REPS1: variants seen among roughly 807,000 people sequenced by gnomAD.
REPS1 encodes RALBP1 associated Eps domain containing 1, also known as ralBP1-associated Eps domain-containing protein 1.
In REPS1, 39 loss-of-function variants were observed where a neutral mutation model predicts 100.9. That is an observed-to-expected ratio of 0.39 (90% CI 0.30 to 0.50). The LOEUF (loss-of-function observed/expected upper bound fraction) is 0.50. REPS1 is among the 20% of genes least tolerant of loss of function. The pLI is 0.86. For synonymous variants in REPS1, 324 were observed against 340.3 expected (o/e 0.95, Z 0.53); for missense variants, 821 against 968.5 (o/e 0.85, Z 2.02).
Position 138,915,834 on chromosome 6 carries a change from A to C in REPS1, c.1720+24T>G, listed in dbSNP as rs768563537. The C allele has an allele frequency of 1.6e-5, 23 of 1,442,800 alleles. No homozygotes were observed. In the Admixed American group the frequency reaches 4.0e-4, roughly 25 times the overall value. The allele number at this position is 1,442,800 out of a possible 1,614,324, so 89.4% of individuals were successfully genotyped here. ...TAACTTTAAAATTAAATGATAATGT[A>C]TATTATGGTTCTCTAGCCCCTACCT... is the stretch of plus-strand genomic sequence containing the variant. On this transcript the variant is annotated intron_variant, in intron 14 of 19. Coordinates refer to ENST00000450536, the MANE Select transcript of REPS1 (RefSeq NM_001286611.2).
intron 1 of REPS1, among the ~76,000 whole-genome samples, chr6:138,955,399 G>A (rs2128487247): frequency 6.8e-6 from 1 of 146,506 alleles, no homozygotes; most frequent in South Asian, 2.2e-4. Flanking sequence ...AGTGAGCTAG[G>A]AATTGTGCAG....
At chr6:138,919,072 A>T (rs1190088344) in intron 12 of REPS1, among the ~76,000 whole-genome samples, 1 of 152,230 alleles carries the variant, frequency 6.6e-6, no homozygotes, top group Non-Finnish European at 1.5e-5. Flanking sequence ...TCAAGTTTAA[A>T]GCATATGAAA....
At chr6:138,934,097 G>C in intron 8 of REPS1, 1 of 219,370 alleles carries the variant, frequency 4.6e-6, no homozygotes, top group Non-Finnish European at 9.7e-6. Flanking sequence ...ATTCAGTCTA[G>C]AAATAAACTG....
chr6:138,977,708 A>G (rs2128508377), intron 1 of REPS1, among the ~76,000 whole-genome samples: 1 of 152,334 alleles, frequency 6.6e-6, no homozygotes, highest in South Asian at 2.1e-4. Flanking sequence ...GCTAACAGAC[A>G]TGTACATACC....
In REPS1 at chr6:138,984,667, T is replaced by C. The variant is rs369715339; in HGVS notation, c.153+2863A>G. Among the ~76,000 whole-genome samples, 4 of 152,314 alleles carry C rather than the reference T, an allele frequency of 2.6e-5. 1 individual carries two copies. Among genetic ancestry groups the C allele is most frequent in the Non-Finnish European group, 1.5e-5 (1 of 68,012 alleles). ...CACTGGCCCAGTTTCTCACTTCGTATCTGCCATACAAAATCAGCCCCCAAG... is the reference window on the plus strand; with the variant it reads ...CACTGGCCCAGTTTCTCACTTCGTACCTGCCATACAAAATCAGCCCCCAAG... On this transcript the variant is annotated intron_variant, in intron 1 of 19. Transcript: ENST00000450536.
rs113359585 is a variant in REPS1, at chr6:138,982,420, C to T, written c.153+5110G>A. On this transcript the variant is annotated intron_variant, in intron 1 of 19. Coordinates refer to ENST00000450536, the MANE Select transcript of REPS1 (RefSeq NM_001286611.2). The stretch of plus-strand genomic sequence containing the variant: ...AATGAAAGAACAGTTAGTACTAGAA[C>T]CCTTTATCAATCTATTATGCATTCA... Among the ~76,000 whole-genome samples, 169 of 152,286 alleles carry T rather than the reference C, an allele frequency of 1.1e-3. 1 individual carries two copies. The Middle Eastern group carries it at 0.017, about 15-fold the overall frequency.
Position 138,987,516 on chromosome 6 carries a change from G to T in REPS1, c.153+14C>A. ...AGGCCTAAGCCGCCCGCCGGCCCCG[G>T]GACGCGACGTTACCTGTAGGACCAC... is the stretch of plus-strand genomic sequence containing the variant. On this transcript the variant is annotated intron_variant, in intron 1 of 19. Coordinates refer to ENST00000450536, the MANE Select transcript of REPS1 (RefSeq NM_001286611.2). The T allele has an allele frequency of 6.5e-7, 1 of 1,545,404 alleles. No homozygotes were observed.
chr6:138,955,498 G>A (rs1028231852), intron 1 of REPS1, among the ~76,000 whole-genome samples: 3 of 139,402 alleles, frequency 2.2e-5, no homozygotes, highest in African/African-American at 8.2e-5. Context: ...GTAAATAACA[G>A]TCAAGTACTA....
intron 1 of REPS1, 108 bp from the exon 2 acceptor site, chr6:138,948,021 A>ATATTT: frequency 1.0e-5 from 10 of 995,846 alleles, no homozygotes; most frequent in East Asian, 2.8e-5. Context: ...TATCTAATAG[A>ATATTT]TGGTATAATA....
chr6:138,939,949 T>A (rs1782116323), intron 8 of REPS1, among the ~76,000 whole-genome samples: 1 of 152,222 alleles, frequency 6.6e-6, no homozygotes. Context: ...ATCAACCTAT[T>A]CGTTGATAAA....
chr6:138,978,293 CTTTT>C (rs548789057), intron 1 of REPS1, among the ~76,000 whole-genome samples: 3 of 142,298 alleles, frequency 2.1e-5, no homozygotes, highest in Non-Finnish European at 3.1e-5. Context: ...TTTTCCTTTT[CTTTT>C]TTTTTTTTTG....
intron 1 of REPS1, among the ~76,000 whole-genome samples, chr6:138,971,291 T>C (rs2128501955): frequency 6.6e-6 from 1 of 152,312 alleles, no homozygotes; most frequent in Non-Finnish European, 1.5e-5. Context: ...TAATGACAAG[T>C]AGTACAATCT....
At chr6:138,966,281 C>T (rs1784018927) in intron 1 of REPS1, among the ~76,000 whole-genome samples, 1 of 152,076 alleles carries the variant, frequency 6.6e-6, no homozygotes, top group African/African-American at 2.4e-5. Context: ...TTTGTTACCA[C>T]TGGTCAAGCA....
intron 1 of REPS1, among the ~76,000 whole-genome samples, chr6:138,956,048 AC>A (rs1347473504): frequency 6.6e-6 from 1 of 152,176 alleles, no homozygotes; most frequent in Non-Finnish European, 1.5e-5. Context: ...CCAAGAGTTA[AC>A]GCCTTTATGC....
At chr6:138,952,385 G>A (rs1418099866) in intron 1 of REPS1, among the ~76,000 whole-genome samples, 1 of 151,608 alleles carries the variant, frequency 6.6e-6, no homozygotes, top group African/African-American at 2.4e-5. Context: ...ACAAAAATCA[G>A]TAGCATTTTT....
At chr6:138,954,656 C>T (rs1004905733) in intron 1 of REPS1, among the ~76,000 whole-genome samples, 3 of 152,154 alleles carry the variant, frequency 2.0e-5, no homozygotes, top group African/African-American at 7.2e-5. Flanking sequence ...TGAAACATCA[C>T]TCTGTATCCC....
chr6:138,925,793 G>C (rs993119000), intron 10 of REPS1, among the ~76,000 whole-genome samples: 4 of 152,124 alleles, frequency 2.6e-5, no homozygotes, highest in African/African-American at 9.7e-5. Context: ...TAACTCTATG[G>C]GGACAGAATT....
chr6:138,919,294 C>G (rs996913413), intron 12 of REPS1, among the ~76,000 whole-genome samples: 1 of 152,150 alleles, frequency 6.6e-6, no homozygotes, highest in African/African-American at 2.4e-5. Flanking sequence ...TGCTTGCACC[C>G]TAGACACCAA....
At chr6:138,949,474 C>T (rs760845247) in intron 1 of REPS1, among the ~76,000 whole-genome samples, 2 of 152,118 alleles carry the variant, frequency 1.3e-5, no homozygotes, top group Non-Finnish European at 2.9e-5. Context: ...TGCCTGTAAT[C>T]ACAGCACTTT....
Sources: allele counts gnomAD v4.1 joint callset (sites outside exome capture counted in the v4.1 genomes callset), GRCh38; gene constraint gnomAD v4.1.1; transcripts MANE v1.5; gene names NCBI Gene and HGNC (gene_info 2026-07-23, HGNC 2026-07-21).